Variants in UBE3B observed in about 807,000 individuals in gnomAD.
UBE3B encodes the protein ubiquitin-protein ligase E3B.
UBE3B carries 80 observed loss-of-function variants against 132.3 expected under a neutral mutation model. The ratio of observed to expected loss-of-function variants is 0.60; its 90% CI spans 0.50 to 0.73. The LOEUF is 0.73. Among genes scored for constraint, UBE3B ranks in the 30% least tolerant of loss-of-function variants. UBE3B has a pLI of 0.00. For synonymous variants in UBE3B, 487 were observed against 520.4 expected (o/e 0.94, Z 0.87); for missense variants, 1,196 against 1,362.5 (o/e 0.88, Z 1.92).
At chr12:109,538,575 G>A (rs902610966), downstream of UBE3B, among the ~76,000 whole-genome samples, 2 of 152,178 alleles carry the variant, frequency 1.3e-5, no homozygotes, top group South Asian at 2.1e-4. This position sits in a 1 kb window ranked among gnomAD's most constrained non-coding sequence, Gnocchi z 4.1. Flanking sequence ...CACCAAGTAC[G>A]CATCCGTTAG....
intron 14 of UBE3B, among the ~76,000 whole-genome samples, chr12:109,505,660 G>C (rs886204636): frequency 6.6e-6 from 1 of 152,096 alleles, no homozygotes; most frequent in African/African-American, 2.4e-5. Context: ...GCTTCTAAAG[G>C]CTTCTTTATA....
At chr12:109,493,820 T>C (rs549334670) in intron 9 of UBE3B, among the ~76,000 whole-genome samples, 15 of 152,296 alleles carry the variant, frequency 9.8e-5, no homozygotes, top group Non-Finnish European at 1.8e-4. Context: ...CATTCTCTTA[T>C]CTCCGTTTTA....
intron 6 of UBE3B, 109 bp downstream of exon 6, chr12:109,486,684 G>A: frequency 1.2e-6 from 1 of 864,476 alleles, no homozygotes; most frequent in Non-Finnish European, 1.7e-6. Context: ...AACGAGAGTT[G>A]CTAGTTGAGC....
In UBE3B at chr12:109,534,921, T is replaced by A; in HGVS notation, c.*139T>A. 1.6e-6 allele frequency: 1 copy of A among 635,418 alleles called. No individual in the cohort carries two copies. The highest frequency in any genetic ancestry group is 2.4e-6 in the Non-Finnish European group (1 of 414,592). The allele number at this position is 635,418 out of a possible 1,614,324, so 39.4% of individuals were successfully genotyped here. A position where few individuals can be genotyped will look rare whatever the true frequency, so the allele number is the denominator to read the frequency against. The stretch of plus-strand genomic sequence containing the variant: ...CCCTCTCTATAGCCATGAGACTCCT[T>A]GTGGCCTCAAGAAATTTAGACGCCC... On this transcript the variant is annotated 3_prime_UTR_variant, in exon 28 of 28. Transcript: ENST00000342494. The surrounding 1 kb of genome is among the most constrained non-coding windows in gnomAD (Gnocchi z 5.2).
chr12:109,490,115 A>T (rs1374451717), intron 8 of UBE3B, 111 bp downstream of exon 8: 2 of 1,117,994 alleles, frequency 1.8e-6, no homozygotes, highest in Non-Finnish European at 1.3e-6. Flanking sequence ...AACACTTTTC[A>T]TAGGAAGAGC....
chr12:109,486,004 C>G lies in UBE3B; in HGVS notation c.283-8C>G, dbSNP rs753631624. ...GGAATGTATAACCCCCAGTGTGTCTCTTTGCAGAGATTTGAGAAGTTGTGT... is the reference window on the plus strand; with the variant it reads ...GGAATGTATAACCCCCAGTGTGTCTGTTTGCAGAGATTTGAGAAGTTGTGT... On this transcript the variant is annotated splice_polypyrimidine_tract_variant and splice_region_variant and intron_variant, in intron 4 of 27. Coordinates refer to ENST00000342494, the MANE Select transcript of UBE3B (RefSeq NM_130466.4). 18 of 1,553,136 alleles carry G rather than the reference C, an allele frequency of 1.2e-5. No individual in the cohort carries two copies. Among genetic ancestry groups the G allele is most frequent in the Non-Finnish European group, 1.5e-5 (17 of 1,147,650 alleles).
At chr12:109,514,104 G>T (rs999360284) in intron 18 of UBE3B, among the ~76,000 whole-genome samples, 6 of 152,140 alleles carry the variant, frequency 3.9e-5, no homozygotes, top group African/African-American at 1.4e-4. Context: ...CCTGGCTCAC[G>T]TGCACAGCAC....
intron 24 of UBE3B, among the ~76,000 whole-genome samples, chr12:109,528,961 C>A (rs1001871242): frequency 2.0e-5 from 3 of 152,096 alleles, no homozygotes; most frequent in African/African-American, 7.2e-5. Context: ...GAGTTTGAGA[C>A]CAGACTGGTC....
In UBE3B at chr12:109,521,617, TACAC is replaced by T; in HGVS notation, c.2364+68_2364+71del. The T allele has an allele frequency of 1.4e-5, 20 of 1,399,158 alleles. No homozygotes were observed. Among genetic ancestry groups the T allele is most frequent in the South Asian group, 2.9e-5 (2 of 70,064 alleles). 86.7% of individuals were successfully genotyped at this position (1,399,158 alleles called of 1,614,324 possible). A position where few individuals can be genotyped will look rare whatever the true frequency, so the allele number is the denominator to read the frequency against. On this transcript the variant is annotated intron_variant, in intron 21 of 27. Coordinates refer to ENST00000342494, the MANE Select transcript of UBE3B (RefSeq NM_130466.4). The surrounding 1 kb of genome is among the most constrained non-coding windows in gnomAD (Gnocchi z 4.2). ...TAACGGTACCATGGGCTTCTTCACATACACATATGTGATCAGGCTTGGCCATGTA... is the reference window on the plus strand; with the variant it reads ...TAACGGTACCATGGGCTTCTTCACATATATGTGATCAGGCTTGGCCATGTA...
downstream of UBE3B, among the ~76,000 whole-genome samples, chr12:109,538,963 C>T (rs1306120745): frequency 1.3e-5 from 2 of 152,150 alleles, no homozygotes; most frequent in African/African-American, 2.4e-5. This position sits in a 1 kb window ranked among gnomAD's most constrained non-coding sequence, Gnocchi z 4.1. Context: ...TGGCCAGGCT[C>T]GGTAGCTCAT....
intron 15 of UBE3B, chr12:109,508,430 G>C (rs1355632154): frequency 1.2e-6 from 1 of 804,784 alleles, no homozygotes; most frequent in Non-Finnish European, 1.5e-6. Context: ...CTGGCACAGA[G>C]TGGGAAATTA....
chr12:109,536,394 C>G lies in UBE3B; in HGVS notation c.*1612C>G, dbSNP rs1237622149. ...GACTGTCAGCACAGGGAAGATGGAT[C>G]CCATCCTAATTTTTATCACCTGAAG... On this transcript the variant is annotated 3_prime_UTR_variant, in exon 28 of 28. Coordinates refer to ENST00000342494, the MANE Select transcript of UBE3B (RefSeq NM_130466.4). 6.6e-6 allele frequency: 1 copy of G among 152,226 alleles called. No individual in the cohort carries two copies. The highest frequency in any genetic ancestry group is 2.4e-5 in the African/African-American group (1 of 41,440). The allele number at this position is 152,226 out of a possible 1,614,324, so 9.4% of individuals were successfully genotyped here.
At position 109,526,405 on chromosome 12, in the gene UBE3B, A is replaced by G; in HGVS notation, c.2616A>G (p.Thr872=). ...CTGGAGGGAAGACCATTCCTGTTAC[A>G]AATGAAAATAAGTGAGTATAGCAAT... ...LIPGGKTIPV[T]NENKISYIHL... The change falls in exon 24 of 28, where the codon ACA becomes ACG. Residue 872 remains threonine (T), a synonymous_variant. Transcript: ENST00000342494. 6.2e-7 allele frequency: 1 copy of G among 1,614,166 alleles called. No homozygotes were observed. Among genetic ancestry groups the G allele is most frequent in the Non-Finnish European group, 8.5e-7 (1 of 1,180,014 alleles).
At chr12:109,495,530 A>G (rs1252284426) in intron 9 of UBE3B, among the ~76,000 whole-genome samples, 1 of 152,182 alleles carries the variant, frequency 6.6e-6, no homozygotes, top group Admixed American at 6.5e-5. Flanking sequence ...GCACTAGAGG[A>G]ATTAAAGACA....
chr12:109,547,495 G>A, the UBE3B span, among the ~76,000 whole-genome samples: 1 of 152,260 alleles, frequency 6.6e-6, no homozygotes, highest in East Asian at 1.9e-4. This position sits in a 1 kb window ranked among gnomAD's most constrained non-coding sequence, Gnocchi z 4.1. Flanking sequence ...ATGCATGCAC[G>A]GTGGGGCACC....
intron 19 of UBE3B, chr12:109,517,903 A>C (rs10850308): frequency 0.18 from 79,563 of 435,676 alleles, 8,058 homozygotes; most frequent in Middle Eastern, 0.24. Flanking sequence ...TGTTTGTGTC[A>C]CTCCTTACTG....
rs1248841449 is a variant in UBE3B, at chr12:109,534,637, T to C, written c.3062T>C (p.Ile1021Thr). 6.2e-7 allele frequency: 1 copy of C among 1,611,978 alleles called. No homozygotes were observed. Among genetic ancestry groups the C allele is most frequent in the Admixed American group, 1.7e-5 (1 of 59,728 alleles). The change falls in exon 28 of 28, where the codon ATC (isoleucine) becomes ACC (threonine). Residue 1021 changes from isoleucine to threonine, a missense_variant. Transcript: ENST00000342494. The surrounding 1 kb of genome is among the most constrained non-coding windows in gnomAD (Gnocchi z 5.2). The part of the protein sequence containing the change: ...LGSVLRGFFT[I>T]RKREPGGRLP... ...AGCGTCCTCCGGGGCTTCTTCACCATCCGCAAGCGGGAGCCAGGCGGCCGC... is the reference window on the plus strand; with the variant it reads ...AGCGTCCTCCGGGGCTTCTTCACCACCCGCAAGCGGGAGCCAGGCGGCCGC...
Position 109,530,058 on chromosome 12 carries a change from T to G in UBE3B, c.2796T>G (p.Asp932Glu). Residue 932 changes from aspartate (D) to glutamate (E), a missense_variant, in exon 25 of 28, where the codon GAT becomes GAG. Physicochemically the swap from Asp to Glu is conservative, Grantham distance 45 (BLOSUM62 2). Coordinates refer to ENST00000342494, the MANE Select transcript of UBE3B (RefSeq NM_130466.4). Reference sequence around the variant, plus strand: ...TCTCTGGCGACAATGCTGAGATTGATCTGGAAGATTTAAAGTAAGAGGCGG... The same window carrying G: ...TCTCTGGCGACAATGCTGAGATTGAGCTGGAAGATTTAAAGTAAGAGGCGG... ...RLISGDNAEI[D>E]LEDLKKHTVY... The G allele has an allele frequency of 1.9e-6, 3 of 1,613,964 alleles. No individual in the cohort carries two copies. The highest frequency in any genetic ancestry group is 2.5e-6 in the Non-Finnish European group (3 of 1,179,930).
At chr12:109,498,178 C>T in intron 10 of UBE3B, 55 bp from the exon 11 acceptor site, 2 of 1,605,866 alleles carry the variant, frequency 1.2e-6, no homozygotes, top group Admixed American at 1.7e-5. Flanking sequence ...AGTTCACTCT[C>T]TACAGGAAAC....
Sources: allele counts gnomAD v4.1 joint callset (sites outside exome capture counted in the v4.1 genomes callset), GRCh38; gene constraint gnomAD v4.1.1; non-coding constraint Gnocchi (gnomAD v3.1); transcripts MANE v1.5; gene names NCBI Gene and HGNC (gene_info 2026-07-23, HGNC 2026-07-21).